Variants in RNF11 observed in about 807,000 individuals in gnomAD.
RNF11 encodes the protein ring finger protein 11.
In RNF11, 4 loss-of-function variants were observed where a neutral mutation model predicts 15.8. That is an observed-to-expected ratio of 0.25 (90% CI 0.12 to 0.58). The LOEUF (loss-of-function observed/expected upper bound fraction) is 0.58, where lower values mean the gene tolerates loss of function less well. Ranked by LOEUF, RNF11 falls within the 20% of genes least tolerant of loss-of-function variation. The pLI, the probability that RNF11 is intolerant of heterozygous loss-of-function variation, is 0.91. For missense variants in RNF11, 139 were observed against 194.4 expected (o/e 0.71, Z 1.70); for synonymous variants, 68 against 72.3 (o/e 0.94, Z 0.30).
rs182579267 is a variant in RNF11, at chr1:51,248,389, A to T, written c.123+11510A>T. On this transcript the variant is annotated intron_variant, in intron 1 of 2. Coordinates refer to ENST00000242719, the MANE Select transcript of RNF11 (RefSeq NM_014372.5). The stretch of plus-strand genomic sequence containing the variant: ...GCCTGGCTAATTTTGTATTTTTAGT[A>T]GAGGCAGGGTTTCTCCATGTCAGGC... Among the ~76,000 whole-genome samples, 38 of 152,058 alleles carry T rather than the reference A, an allele frequency of 2.5e-4. No homozygotes were observed. The East Asian group carries it at 7.0e-3, about 28-fold the overall frequency.
Position 51,263,555 on chromosome 1 carries a change from A to G in RNF11, c.124-6401A>G, listed in dbSNP as rs140317271. Among the ~76,000 whole-genome samples, 478 of 152,308 alleles carry G rather than the reference A, an allele frequency of 3.1e-3. 4 individuals carry two copies. Among genetic ancestry groups the G allele is most frequent in the South Asian group, 0.031 (151 of 4,834 alleles). On this transcript the variant is annotated intron_variant, in intron 1 of 2. Transcript: ENST00000242719. ...CAGCAGCTCATTTCATTTCTCTGCT[A>G]CATTTGGTAATTCTCGTGCTTTCAG...
chr1:51,270,784 T>C (rs1646974964), intron 2 of RNF11, among the ~76,000 whole-genome samples: 2 of 152,236 alleles, frequency 1.3e-5, no homozygotes, highest in South Asian at 2.1e-4. Context: ...CACTAAATAG[T>C]GCAAGAAAAC....
intron 1 of RNF11, among the ~76,000 whole-genome samples, chr1:51,260,504 G>A (rs1349663800): frequency 6.6e-6 from 1 of 152,040 alleles, no homozygotes; most frequent in African/African-American, 2.4e-5. Flanking sequence ...AGAAATCACT[G>A]AAATGACTTC....
chr1:51,271,632 T>G lies in RNF11; in HGVS notation c.*310T>G, dbSNP rs1264629414. 5.4e-6 allele frequency: 1 copy of G among 185,228 alleles called. No homozygotes were observed. Among genetic ancestry groups the G allele is most frequent in the Non-Finnish European group, 1.1e-5 (1 of 89,388 alleles). 11.5% of individuals were successfully genotyped at this position (185,228 alleles called of 1,614,324 possible). The stretch of plus-strand genomic sequence containing the variant: ...TAACAGCAGCTGTATTTGTTTAAAT[T>G]GTGTGTATTGAAGATTAGGAAAAAG... On this transcript the variant is annotated 3_prime_UTR_variant, in exon 3 of 3. Transcript: ENST00000242719.
chr1:51,244,241 G>A (rs1402189223), intron 1 of RNF11, among the ~76,000 whole-genome samples: 1 of 152,242 alleles, frequency 6.6e-6, no homozygotes, highest in Non-Finnish European at 1.5e-5. Flanking sequence ...TTTGCTGTAA[G>A]AGTGTGCAAT....
chr1:51,264,313 T>C lies in RNF11; in HGVS notation c.124-5643T>C, dbSNP rs1445795798. Among the ~76,000 whole-genome samples the C allele has an allele frequency of 1.4e-3, 142 of 101,754 alleles. 4 individuals are homozygous for C. The highest frequency in any genetic ancestry group is 5.7e-3 in the African/African-American group (131 of 22,786). 66.8% of individuals were successfully genotyped at this position (101,754 alleles called of 152,430 possible). A position where few individuals can be genotyped will look rare whatever the true frequency, so the allele number is the denominator to read the frequency against. On this transcript the variant is annotated intron_variant, in intron 1 of 2. Transcript: ENST00000242719. ...ATATATATATATATATATATATATA[T>C]ATATACACACACACACACACACACA...
intron 1 of RNF11, among the ~76,000 whole-genome samples, chr1:51,267,925 T>C (rs1646962176): frequency 6.6e-6 from 1 of 152,190 alleles, no homozygotes; most frequent in Non-Finnish European, 1.5e-5. Context: ...GAGATGGTGT[T>C]TTACCATGTT....
chr1:51,267,668 G>A (rs965584034), intron 1 of RNF11, among the ~76,000 whole-genome samples: 3 of 152,210 alleles, frequency 2.0e-5, no homozygotes, highest in Non-Finnish European at 2.9e-5. Flanking sequence ...AGGGGAAGCA[G>A]GTGTTGAACA....
intron 1 of RNF11, among the ~76,000 whole-genome samples, chr1:51,254,159 C>A (rs1646893863): frequency 6.6e-6 from 1 of 152,116 alleles, no homozygotes; most frequent in Non-Finnish European, 1.5e-5. Flanking sequence ...AACTTTAACC[C>A]CCTTTGTGTT....
rs531810545 is a variant in RNF11 at position 51,258,242 on chromosome 1, A to G, written c.124-11714A>G. On this transcript the variant is annotated intron_variant, in intron 1 of 2. Coordinates refer to ENST00000242719, the MANE Select transcript of RNF11 (RefSeq NM_014372.5). ...TTATTTCTGGAATTTTCCATATAGTATTTTCAGACCATGGTTGACCACAGT... is the reference window on the plus strand; with the variant it reads ...TTATTTCTGGAATTTTCCATATAGTGTTTTCAGACCATGGTTGACCACAGT... Among the ~76,000 whole-genome samples, 121 of 152,232 alleles carry G rather than the reference A, an allele frequency of 7.9e-4. 1 individual carries two copies. The highest frequency in any genetic ancestry group is 1.2e-3 in the Non-Finnish European group (81 of 68,016).
chr1:51,262,308 A>G (rs1371051594), intron 1 of RNF11, among the ~76,000 whole-genome samples: 1 of 152,178 alleles, frequency 6.6e-6, no homozygotes, highest in African/African-American at 2.4e-5. Flanking sequence ...CTTTCTTACT[A>G]TATGCAAAAA....
At chr1:51,270,152 C>G (rs775735194) in intron 2 of RNF11, 27 bp downstream of exon 2, 3 of 1,555,142 alleles carry the variant, frequency 1.9e-6, no homozygotes, top group Non-Finnish European at 2.6e-6. Flanking sequence ...TTGTACATTT[C>G]AAAGTTTTAT....
intron 1 of RNF11, among the ~76,000 whole-genome samples, chr1:51,254,452 T>C (rs1646895111): frequency 1.3e-5 from 2 of 151,916 alleles, no homozygotes; most frequent in African/African-American, 4.8e-5. Context: ...GCTTGGCTAA[T>C]TTTTTTGTAT....
intron 1 of RNF11, among the ~76,000 whole-genome samples, chr1:51,249,054 A>G (rs565440469): frequency 6.6e-6 from 1 of 152,308 alleles, no homozygotes; most frequent in African/African-American, 2.4e-5. Flanking sequence ...GCCATTTTAT[A>G]TAAGGGACTT....
At chr1:51,245,301 T>C (rs1171545566) in intron 1 of RNF11, among the ~76,000 whole-genome samples, 1 of 152,084 alleles carries the variant, frequency 6.6e-6, no homozygotes, top group Non-Finnish European at 1.5e-5. Context: ...CACAGGTGCA[T>C]ACCACCACAC....
chr1:51,257,978 C>T (rs959259774), intron 1 of RNF11, among the ~76,000 whole-genome samples: 6 of 150,956 alleles, frequency 4.0e-5, no homozygotes, highest in Admixed American at 6.6e-5. Context: ...CTCAGCCTCC[C>T]GAGTAGCTGG....
chr1:51,236,998 C>T (rs1646806676), intron 1 of RNF11, 119 bp downstream of exon 1: 2 of 1,327,170 alleles, frequency 1.5e-6, no homozygotes, highest in Non-Finnish European at 2.0e-6. Flanking sequence ...GGCATTGACC[C>T]CTTAGGGCTG....
In RNF11 at chr1:51,236,680, G is replaced by T; in HGVS notation, c.-77G>T. The T allele has an allele frequency of 3.2e-6, 5 of 1,585,056 alleles. No homozygotes were observed. The highest frequency in any genetic ancestry group is 4.3e-6 in the Non-Finnish European group (5 of 1,163,590). On this transcript the variant is annotated 5_prime_UTR_variant, in exon 1 of 3. Transcript: ENST00000242719. ...GTCGCCCGACCCCACCTCGCCAACC[G>T]AGGCGGACCGCGGAGTGTGCGAACG...
intron 1 of RNF11, among the ~76,000 whole-genome samples, chr1:51,242,309 G>C (rs1282201640): frequency 6.7e-6 from 1 of 149,084 alleles, no homozygotes; most frequent in Non-Finnish European, 1.5e-5. Flanking sequence ...TCTGCATAAA[G>C]CTTTCTTCAA....
Sources: allele counts gnomAD v4.1 joint callset (sites outside exome capture counted in the v4.1 genomes callset), GRCh38; gene constraint gnomAD v4.1.1; transcripts MANE v1.5; gene names NCBI Gene and HGNC (gene_info 2026-07-23, HGNC 2026-07-21).